Variants in MRPS28 observed in about 807,000 individuals in gnomAD.
The protein encoded by MRPS28 is mitochondrial ribosomal protein S28, also known as small ribosomal subunit protein bS1m.
A neutral mutation model predicts 10.8 loss-of-function variants in MRPS28; 7 were observed. The observed-to-expected ratio is 0.65, with a 90% confidence interval of 0.37 to 1.22. The LOEUF (loss-of-function observed/expected upper bound fraction) is 1.22. Ranked by LOEUF, MRPS28 falls within the 50% of genes most tolerant of loss-of-function variation. The pLI, the probability that MRPS28 is intolerant of heterozygous loss-of-function variation, is 0.02. For missense variants in MRPS28, 265 were observed against 232.9 expected (o/e 1.14, Z -0.90); for synonymous variants, 121 against 93.3 (o/e 1.30, Z -1.71).
At chr8:79,980,455 T>C (rs775915759) in intron 2 of MRPS28, among the ~76,000 whole-genome samples, 4 of 152,248 alleles carry the variant, frequency 2.6e-5, no homozygotes, top group African/African-American at 9.6e-5. Flanking sequence ...AAATGCCCTA[T>C]AGTTTTCAAA....
At chr8:80,007,204 T>A (rs112838333) in intron 1 of MRPS28, among the ~76,000 whole-genome samples, 112,056 of 152,004 alleles carry the variant, frequency 0.74, 41,492 homozygotes, top group East Asian at 0.85. Context: ...AGAAAAGGCC[T>A]TTGACAAAAT....
chr8:79,959,744 T>C (rs1807325765), intron 2 of MRPS28, among the ~76,000 whole-genome samples: 2 of 152,044 alleles, frequency 1.3e-5, no homozygotes, highest in African/African-American at 4.8e-5. Flanking sequence ...ATAAGACAAG[T>C]AGAAAATATT....
chr8:80,003,327 C>T (rs1808714105), intron 1 of MRPS28, 147 bp from the exon 2 acceptor site: 1 of 593,032 alleles, frequency 1.7e-6, no homozygotes, highest in African/African-American at 1.9e-5. Flanking sequence ...TTATGCTCTT[C>T]AACTTCCTCT....
At chr8:79,922,794 T>C (rs1262552978) in intron 2 of MRPS28, among the ~76,000 whole-genome samples, 1 of 152,042 alleles carries the variant, frequency 6.6e-6, no homozygotes, top group Non-Finnish European at 1.5e-5. Flanking sequence ...TACTGCTGGT[T>C]AAAAATCACA....
intron 2 of MRPS28, among the ~76,000 whole-genome samples, chr8:79,984,890 C>T (rs1204117799): frequency 1.3e-5 from 2 of 152,064 alleles, no homozygotes; most frequent in African/African-American, 2.4e-5. Flanking sequence ...AATAAGGATA[C>T]CCAGGAATTG....
intron 1 of MRPS28, among the ~76,000 whole-genome samples, chr8:80,020,254 T>C (rs918213749): frequency 6.6e-6 from 1 of 152,170 alleles, no homozygotes. Flanking sequence ...AAACAGATTG[T>C]AAATGTTTCT....
intron 2 of MRPS28, among the ~76,000 whole-genome samples, chr8:79,920,322 G>C (rs564925163): frequency 6.6e-6 from 1 of 152,074 alleles, no homozygotes; most frequent in African/African-American, 2.4e-5. Flanking sequence ...GAGATGGCTG[G>C]GTCAAATGGT....
intron 1 of MRPS28, among the ~76,000 whole-genome samples, chr8:80,004,216 C>A (rs1463254319): frequency 1.3e-5 from 2 of 152,204 alleles, no homozygotes; most frequent in Non-Finnish European, 2.9e-5. Context: ...CCCTGAGTAG[C>A]CTAACTGGGA....
chr8:80,003,272 G>A (rs1180130894), intron 1 of MRPS28, 92 bp from the exon 2 acceptor site: 1 of 991,148 alleles, frequency 1.0e-6, no homozygotes, highest in Non-Finnish European at 1.4e-6. Context: ...AATTGTTGTA[G>A]CAATAATTTT....
At chr8:80,027,036 C>T (rs992813318) in intron 1 of MRPS28, among the ~76,000 whole-genome samples, 2 of 152,168 alleles carry the variant, frequency 1.3e-5, no homozygotes, top group Admixed American at 1.3e-4. Context: ...CAACATCCCC[C>T]ACCAGAGCGG....
At chr8:80,005,497 G>T (rs917184554) in intron 1 of MRPS28, among the ~76,000 whole-genome samples, 1 of 152,116 alleles carries the variant, frequency 6.6e-6, no homozygotes, top group African/African-American at 2.4e-5. Flanking sequence ...CACTAAACAT[G>T]GAAAGGAACA....
chr8:80,009,250 G>A (rs1808957039), intron 1 of MRPS28, among the ~76,000 whole-genome samples: 1 of 152,078 alleles, frequency 6.6e-6, no homozygotes, highest in South Asian at 2.1e-4. Flanking sequence ...CACAGGAAAG[G>A]GAACATCACA....
intron 2 of MRPS28, among the ~76,000 whole-genome samples, chr8:79,960,086 C>A (rs1228268076): frequency 2.0e-5 from 3 of 152,086 alleles, no homozygotes; most frequent in African/African-American, 7.2e-5. Flanking sequence ...TTTAGGCTGG[C>A]CTTTCCTTGA....
At chr8:79,982,867 C>T (rs375402145) in intron 2 of MRPS28, among the ~76,000 whole-genome samples, 1 of 151,922 alleles carries the variant, frequency 6.6e-6, no homozygotes, top group Non-Finnish European at 1.5e-5. Flanking sequence ...CAGCAGTAAC[C>T]TCTGCAGACT....
intron 2 of MRPS28, among the ~76,000 whole-genome samples, chr8:79,980,273 ATTAG>A (rs1290018667): frequency 6.6e-6 from 1 of 152,192 alleles, no homozygotes; most frequent in Non-Finnish European, 1.5e-5. Flanking sequence ...AGATCACACA[ATTAG>A]TTAGGAGTAG....
chr8:79,955,219 C>T (rs1318604756), intron 2 of MRPS28, among the ~76,000 whole-genome samples: 4 of 152,158 alleles, frequency 2.6e-5, no homozygotes, highest in Admixed American at 2.0e-4. Context: ...GAACCATCTG[C>T]CATGCGGGGT....
chr8:79,987,335 C>G (rs1175982543), intron 2 of MRPS28, among the ~76,000 whole-genome samples: 4 of 152,084 alleles, frequency 2.6e-5, no homozygotes, highest in African/African-American at 4.8e-5. Context: ...AGAAGAAAAC[C>G]TAGGCATTAC....
intron 2 of MRPS28, among the ~76,000 whole-genome samples, chr8:79,940,826 G>GT (rs1563521569): frequency 6.6e-6 from 1 of 152,138 alleles, no homozygotes; most frequent in Non-Finnish European, 1.5e-5. Flanking sequence ...AGAACAAGCA[G>GT]TCTACAGTAC....
intron 2 of MRPS28, among the ~76,000 whole-genome samples, chr8:79,963,764 C>G (rs115336502): frequency 6.6e-6 from 1 of 152,172 alleles, no homozygotes; most frequent in African/African-American, 2.4e-5. Flanking sequence ...TTGTCCTCAG[C>G]CACTGTTCAC....
Sources: allele counts gnomAD v4.1 joint callset (sites outside exome capture counted in the v4.1 genomes callset), GRCh38; gene constraint gnomAD v4.1.1; transcripts MANE v1.5; gene names NCBI Gene and HGNC (gene_info 2026-07-23, HGNC 2026-07-21).